NPTX2: variants seen among roughly 807,000 people sequenced by gnomAD.
NPTX2 encodes neuronal pentraxin 2.
Under a neutral mutation model 38.1 loss-of-function variants are expected in NPTX2, and 23 were observed. The ratio of observed to expected loss-of-function variants is 0.60; its 90% CI spans 0.43 to 0.85. The LOEUF (loss-of-function observed/expected upper bound fraction) is 0.85, where lower values mean the gene tolerates loss of function less well. NPTX2 is among the 40% of genes least tolerant of loss of function. The pLI, the probability that NPTX2 is intolerant of heterozygous loss-of-function variation, is 0.00. For synonymous variants in NPTX2, 291 were observed against 287.3 expected, an observed-to-expected ratio of 1.01 and a Z score of -0.13; for missense variants, 553 against 615.3, an observed-to-expected ratio of 0.90 and a Z score of 1.07.
intron 1 of NPTX2, among the ~76,000 whole-genome samples, chr7:98,619,256 G>A (rs539834280): frequency 6.6e-6 from 1 of 152,154 alleles, no homozygotes; most frequent in African/African-American, 2.4e-5. Flanking sequence ...TCATTTCTAG[G>A]TGAAAGCTCC....
chr7:98,625,010 G>A lies in NPTX2; in HGVS notation c.732G>A (p.Leu244=). The change falls in exon 3 of 5, where the codon CTG becomes CTA. Residue 244 remains leucine (L), a synonymous_variant. Coordinates refer to ENST00000265634, the MANE Select transcript of NPTX2 (RefSeq NM_002523.3). ...TATACGGCAAGATCAAGAAGACGCT[G>A]CCTGAGCTGTACGCCTTCACCATCT... is the stretch of plus-strand genomic sequence containing the variant. ...NYLYGKIKKT[L]PELYAFTICL... The A allele has an allele frequency of 1.9e-6, 3 of 1,613,898 alleles. No individual in the cohort carries two copies. The highest frequency in any genetic ancestry group is 2.5e-6 in the Non-Finnish European group (3 of 1,180,030).
intron 3 of NPTX2, among the ~76,000 whole-genome samples, chr7:98,626,733 G>A (rs1037334000): frequency 1.3e-5 from 2 of 152,022 alleles, no homozygotes; most frequent in Non-Finnish European, 2.9e-5. Flanking sequence ...ACTCACACAC[G>A]TGCCGCTGCG....
In NPTX2 at chr7:98,619,802, C is replaced by T; in HGVS notation, c.586C>T (p.Gln196Ter). The T allele has an allele frequency of 6.2e-7, 1 of 1,613,932 alleles. No homozygotes were observed. Among genetic ancestry groups the T allele is most frequent in the Non-Finnish European group, 8.5e-7 (1 of 1,180,048 alleles). The change falls in exon 2 of 5, where the codon CAG becomes TAG. Residue 196 changes from glutamine to a stop codon, truncating the protein, a stop_gained. Transcript: ENST00000265634. LOFTEE classifies it high-confidence loss of function. ...GCACAATGAGACCTCGGCTCACCGG[C>T]AGAAGACCGAGAGCACCCTGAACGC... Reference protein sequence around the residue: ...LLHNETSAHRQKTESTLNALL... With the variant: ...LLHNETSAHR
intron 2 of NPTX2, among the ~76,000 whole-genome samples, chr7:98,623,905 A>G (rs1791306672): frequency 6.6e-6 from 1 of 152,190 alleles, no homozygotes; most frequent in Non-Finnish European, 1.5e-5. Flanking sequence ...AATTAAATCT[A>G]CCTTTCTTCT....
Position 98,617,882 on chromosome 7 carries a change from C to A in NPTX2, c.421C>A (p.Leu141Ile). The A allele has an allele frequency of 6.4e-7, 1 of 1,553,142 alleles. No individual in the cohort carries two copies. Among genetic ancestry groups the A allele is most frequent in the Non-Finnish European group, 8.6e-7 (1 of 1,157,504 alleles). Residue 141 changes from leucine to isoleucine, a missense_variant, in exon 1 of 5, where the codon CTC becomes ATC. Transcript: ENST00000265634. Reference protein sequence around the residue: ...LQTLKDRLESLEHQLRANVSN... With the variant: ...LQTLKDRLESIEHQLRANVSN... ...GACCCTCAAGGACCGCCTGGAGAGCCTCGAGGTAGCGGCCCGCGGGGAGCG... is the reference window on the plus strand; with the variant it reads ...GACCCTCAAGGACCGCCTGGAGAGCATCGAGGTAGCGGCCCGCGGGGAGCG...
chr7:98,626,033 C>T (rs1477106304), intron 3 of NPTX2, among the ~76,000 whole-genome samples: 1 of 151,258 alleles, frequency 6.6e-6, no homozygotes, highest in Admixed American at 6.6e-5. Context: ...GTAGTTCCAG[C>T]TACTCGGGAG....
intron 3 of NPTX2, among the ~76,000 whole-genome samples, chr7:98,626,069 C>T (rs1197966282): frequency 1.3e-5 from 2 of 151,010 alleles, no homozygotes; most frequent in Admixed American, 1.3e-4. Context: ...TGGCTTTGAG[C>T]CCAGGATGTC....
chr7:98,628,213 A>C (rs549746668), intron 4 of NPTX2, among the ~76,000 whole-genome samples, 189 bp from the exon 5 acceptor site: 1 of 152,138 alleles, frequency 6.6e-6, no homozygotes, highest in East Asian at 1.9e-4. Context: ...CCCTGTATAA[A>C]ATGGGGAGAT....
intron 3 of NPTX2, among the ~76,000 whole-genome samples, chr7:98,626,171 G>C (rs1252213751): frequency 6.8e-6 from 1 of 146,258 alleles, no homozygotes; most frequent in Non-Finnish European, 1.5e-5. Context: ...AAAAAAAAAG[G>C]CCACTTTGGG....
chr7:98,628,208 T>C (rs1791385034), intron 4 of NPTX2, among the ~76,000 whole-genome samples, 194 bp from the exon 5 acceptor site: 1 of 152,156 alleles, frequency 6.6e-6, no homozygotes, highest in Admixed American at 6.5e-5. Context: ...GTTTCCCCTG[T>C]ATAAAATGGG....
At chr7:98,620,138 G>A (rs139715114) in intron 2 of NPTX2, 332 of 481,324 alleles carry the variant, frequency 6.9e-4, no homozygotes, top group Middle Eastern at 4.1e-3. Context: ...TCCTGGCAGC[G>A]GATTCTGTGT....
At chr7:98,623,457 C>T (rs1453598302) in intron 2 of NPTX2, among the ~76,000 whole-genome samples, 1 of 152,152 alleles carries the variant, frequency 6.6e-6, no homozygotes, top group Non-Finnish European at 1.5e-5. Context: ...TGGATTCTCA[C>T]CAATTCCAGG....
chr7:98,620,847 G>A (rs1791259648), intron 2 of NPTX2, among the ~76,000 whole-genome samples: 1 of 152,244 alleles, frequency 6.6e-6, no homozygotes, highest in Admixed American at 6.5e-5. Flanking sequence ...ACGAGAGGAG[G>A]GCTCCATGAG....
chr7:98,628,522 A>G lies in NPTX2; in HGVS notation c.1189A>G (p.Asn397Asp), dbSNP rs769198310. 4 of 1,611,882 alleles carry G rather than the reference A, an allele frequency of 2.5e-6. No homozygotes were observed. The highest frequency in any genetic ancestry group is 1.7e-5 in the Admixed American group (1 of 59,846). Residue 397 changes from asparagine (N) to aspartate (D), a missense_variant, in exon 5 of 5, where the codon AAC becomes GAC. Transcript: ENST00000265634. The part of the protein sequence containing the change: ...EIVNIANCST[N>D]MPGNIIPWVD... ...TGTCAACATCGCCAACTGCTCCACA[A>G]ACATGCCGGGCAACATCATCCCGTG...
In NPTX2 at chr7:98,617,527, G is replaced by A. The variant is rs1048681411; in HGVS notation, c.66G>A (p.Ala22=). The A allele has an allele frequency of 3.5e-6, 5 of 1,409,094 alleles. No individual in the cohort carries two copies. Among genetic ancestry groups the A allele is most frequent in the African/African-American group, 1.5e-5 (1 of 66,450 alleles). The allele number at this position is 1,409,094 out of a possible 1,614,324, so 87.3% of individuals were successfully genotyped here. A position where few individuals can be genotyped will look rare whatever the true frequency, so the allele number is the denominator to read the frequency against. Residue 22 remains alanine (A), a synonymous_variant, in exon 1 of 5, where the codon GCG becomes GCA. Transcript: ENST00000265634. ...AVAAGAQDSP[A]PGSRFVCTAL... ...CCGCTGGGGCCCAGGACAGCCCGGCGCCCGGTAGCCGCTTCGTGTGCACGG... is the reference window on the plus strand; with the variant it reads ...CCGCTGGGGCCCAGGACAGCCCGGCACCCGGTAGCCGCTTCGTGTGCACGG...
rs1411978838 is a variant in NPTX2 at position 98,617,495 on chromosome 7, G to A, written c.34G>A (p.Ala12Thr). Residue 12 changes from alanine to threonine, a missense_variant, in exon 1 of 5, where the codon GCC becomes ACC. Physicochemically the swap from Ala to Thr is moderately conservative, Grantham distance 58. Transcript: ENST00000265634. ...LALLAASVAL[A>T]VAAGAQDSPA... ...GCTGCTGGCCGCCAGCGTGGCGCTC[G>A]CCGTGGCCGCTGGGGCCCAGGACAG... The A allele has an allele frequency of 9.5e-6, 12 of 1,260,170 alleles. No individual in the cohort carries two copies. The highest frequency in any genetic ancestry group is 2.7e-5 in the South Asian group (1 of 37,414). The allele number at this position is 1,260,170 out of a possible 1,614,324, so 78.1% of individuals were successfully genotyped here. A position where few individuals can be genotyped will look rare whatever the true frequency, so the allele number is the denominator to read the frequency against.
At chr7:98,620,767 C>T (rs768737667) in intron 2 of NPTX2, among the ~76,000 whole-genome samples, 10 of 152,020 alleles carry the variant, frequency 6.6e-5, no homozygotes, top group Non-Finnish European at 1.5e-4. Context: ...CACAGTGGAT[C>T]CTCGGGACAC....
Position 98,628,672 on chromosome 7 carries a change from C to T in NPTX2, c.*43C>T. 2 of 971,526 alleles carry T rather than the reference C, an allele frequency of 2.1e-6. No individual in the cohort carries two copies. Among genetic ancestry groups the T allele is most frequent in the African/African-American group, 1.6e-5 (1 of 61,230 alleles). The allele number at this position is 971,526 out of a possible 1,614,324, so 60.2% of individuals were successfully genotyped here. ...CAGGAGGCCGGGATCAGGCTGTTGC[C>T]ATGGAAGTTCAGGGCCATAGACTGC... On this transcript the variant is annotated 3_prime_UTR_variant, in exon 5 of 5. Coordinates refer to ENST00000265634, the MANE Select transcript of NPTX2 (RefSeq NM_002523.3).
At position 98,626,658 on chromosome 7, in the gene NPTX2, C is replaced by T. The variant is rs1562851237; in HGVS notation, c.889-507C>T. 2.6e-5 allele frequency among the ~76,000 whole-genome samples: 4 copies of T among 152,296 alleles called. No homozygotes were observed. The South Asian group carries it at 8.3e-4, about 32-fold the overall frequency. ...AGTGCTTGCAGGACCGCCAGGGACCCGGCCAGTGGCAGCGTCCTCCCCCCA... is the reference window on the plus strand; with the variant it reads ...AGTGCTTGCAGGACCGCCAGGGACCTGGCCAGTGGCAGCGTCCTCCCCCCA... On this transcript the variant is annotated intron_variant, in intron 3 of 4. Transcript: ENST00000265634.
Sources: gnomAD v4.1 joint callset for allele counts (sites outside exome capture counted in the v4.1 genomes callset) on GRCh38, gnomAD v4.1.1 for gene constraint, MANE v1.5 for transcripts, NCBI Gene and HGNC (gene_info 2026-07-23, HGNC 2026-07-21) for gene names.